The following ZBTB20 variants were observed in gnomAD, a reference collection of about 807,000 sequenced individuals.
ZBTB20 encodes the protein zinc finger and BTB domain-containing protein 20.
In ZBTB20, 9 loss-of-function variants were observed where a neutral mutation model predicts 56.9. That is an observed-to-expected ratio of 0.16 (90% CI 0.10 to 0.28). The LOEUF is 0.28. ZBTB20 is among the 10% of genes least tolerant of loss of function. The probability of loss-of-function intolerance (pLI) is 1.00; values close to 1 mark genes in which losing one functional copy is unlikely to be tolerated. For missense variants in ZBTB20, 655 were observed against 1,003.0 expected, an observed-to-expected ratio of 0.65 and a Z score of 4.69; for synonymous variants, 417 against 420.7, an observed-to-expected ratio of 0.99 and a Z score of 0.11.
intron 4 of ZBTB20, among the ~76,000 whole-genome samples, chr3:114,813,637 G>A (rs2072716122): frequency 6.6e-6 from 1 of 152,208 alleles, no homozygotes; most frequent in African/African-American, 2.4e-5. Context: ...TGTAGTCCCA[G>A]CTACTTGGGA....
chr3:114,581,883 T>C (rs2054663150), intron 6 of ZBTB20, among the ~76,000 whole-genome samples: 1 of 152,100 alleles, frequency 6.6e-6, no homozygotes, highest in African/African-American at 2.4e-5. Flanking sequence ...AAAATGCATA[T>C]TTCTTAAAGT....
intron 2 of ZBTB20, among the ~76,000 whole-genome samples, chr3:115,044,290 T>A (rs1396443894): frequency 6.6e-6 from 1 of 152,238 alleles, no homozygotes; most frequent in African/African-American, 2.4e-5. Flanking sequence ...GTTCACCCTC[T>A]TTTATTTTGC....
At chr3:114,698,926 T>C (rs1342394456) in intron 5 of ZBTB20, among the ~76,000 whole-genome samples, 2 of 152,020 alleles carry the variant, frequency 1.3e-5, no homozygotes, top group African/African-American at 4.8e-5. Flanking sequence ...AACTGAAAAA[T>C]GATGATGGGA....
chr3:115,116,576 T>G (rs1180283108), intron 1 of ZBTB20, among the ~76,000 whole-genome samples: 1 of 152,052 alleles, frequency 6.6e-6, no homozygotes, highest in Non-Finnish European at 1.5e-5. Context: ...TAATAAGAGA[T>G]AACATTTTTG....
chr3:115,096,305 C>A lies in ZBTB20; in HGVS notation c.-702-24891G>T, dbSNP rs1183221735. On this transcript the variant is annotated intron_variant, in intron 1 of 11. Coordinates refer to ENST00000675478, the MANE Select transcript of ZBTB20 (RefSeq NM_001348800.3). ...TCCCTGAAATAGTTACACAGCCATG[C>A]AAATGAAAATATTTAGAGGTTCTTT... Among the ~76,000 whole-genome samples, 3 of 152,176 alleles carry A rather than the reference C, an allele frequency of 2.0e-5. No individual in the cohort carries two copies. The East Asian group carries it at 5.8e-4, about 29-fold the overall frequency.
Position 114,351,591 on chromosome 3 carries a change from G to C in ZBTB20, c.487C>G (p.Leu163Val). 1 of 1,614,124 alleles carries C rather than the reference G, an allele frequency of 6.2e-7. No individual in the cohort carries two copies. The change falls in exon 11 of 12, where the codon CTA becomes GTA. Residue 163 changes from leucine (L) to valine (V), a missense_variant. Around this residue, in one of 10 missense-constraint regions of ZBTB20, gnomAD observed 167 missense variants for 281.9 expected, o/e 0.59. Transcript: ENST00000675478. The part of the protein sequence containing the change: ...KLIDFMYSGV[L>V]RVSQSEALQI... The stretch of plus-strand genomic sequence containing the variant: ...AGAGCTTCCGACTGCGAGACCCGTA[G>C]CACGCCGCTGTACATGAAGTCAATG...
chr3:114,673,880 C>T (rs2061492592), intron 6 of ZBTB20, among the ~76,000 whole-genome samples: 1 of 152,152 alleles, frequency 6.6e-6, no homozygotes, highest in South Asian at 2.1e-4. Context: ...TGACATTATT[C>T]TATGAAGTTC....
intron 3 of ZBTB20, among the ~76,000 whole-genome samples, chr3:114,956,627 A>G (rs1430858645): frequency 2.0e-5 from 3 of 152,208 alleles, no homozygotes; most frequent in Non-Finnish European, 2.9e-5. Context: ...GCAAGTACGC[A>G]TTTACAAACA....
At chr3:114,817,420 A>G (rs1245056838) in intron 4 of ZBTB20, among the ~76,000 whole-genome samples, 1 of 152,032 alleles carries the variant, frequency 6.6e-6, no homozygotes, top group Non-Finnish European at 1.5e-5. Context: ...CAGGAAGCTG[A>G]GGCAGGAGAA....
At chr3:114,429,635 A>C (rs1020658864) in intron 7 of ZBTB20, among the ~76,000 whole-genome samples, 1 of 152,210 alleles carries the variant, frequency 6.6e-6, no homozygotes, top group African/African-American at 2.4e-5. Context: ...GATCTAACAC[A>C]TTTGTAGTCA....
At chr3:114,435,563 T>C (rs1213810086) in intron 7 of ZBTB20, among the ~76,000 whole-genome samples, 1 of 152,190 alleles carries the variant, frequency 6.6e-6, no homozygotes, top group African/African-American at 2.4e-5. Flanking sequence ...GTGCTTTTCA[T>C]GGCATGAAAT....
intron 5 of ZBTB20, among the ~76,000 whole-genome samples, chr3:114,698,414 T>C (rs1484694464): frequency 1.3e-5 from 2 of 152,080 alleles, no homozygotes; most frequent in Non-Finnish European, 2.9e-5. Flanking sequence ...CTTTTACTTT[T>C]GTTTGGGTGG....
chr3:114,925,694 A>T (rs1012079636), intron 3 of ZBTB20, among the ~76,000 whole-genome samples: 2 of 151,744 alleles, frequency 1.3e-5, no homozygotes, highest in Admixed American at 6.6e-5. Context: ...ACCTGGCTAA[A>T]TTTTTGTATT....
At chr3:114,737,652 A>G (rs1297988897) in intron 5 of ZBTB20, among the ~76,000 whole-genome samples, 1 of 152,206 alleles carries the variant, frequency 6.6e-6, no homozygotes, top group Non-Finnish European at 1.5e-5. Flanking sequence ...TTGTTTCCAA[A>G]TGGAATTTAA....
At chr3:114,861,496 C>A (rs961251974) in intron 4 of ZBTB20, among the ~76,000 whole-genome samples, 1 of 152,090 alleles carries the variant, frequency 6.6e-6, no homozygotes, top group Admixed American at 6.6e-5. Context: ...GAAGGTATCA[C>A]CTACAATGAC....
At chr3:114,384,166 C>T (rs2084788419) in intron 8 of ZBTB20, among the ~76,000 whole-genome samples, 1 of 151,800 alleles carries the variant, frequency 6.6e-6, no homozygotes, top group Non-Finnish European at 1.5e-5. Context: ...CTCTCTCTCT[C>T]TCTCCAACCC....
At chr3:114,498,526 G>A (rs2043555206) in intron 7 of ZBTB20, among the ~76,000 whole-genome samples, 1 of 152,138 alleles carries the variant, frequency 6.6e-6, no homozygotes, top group South Asian at 2.1e-4. Flanking sequence ...GTGTCTATGG[G>A]ATACTTGAGG....
At position 114,624,358 on chromosome 3, in the gene ZBTB20, CA is replaced by C. The variant is rs368690191; in HGVS notation, c.-295+69169del. Among the ~76,000 whole-genome samples the C allele has an allele frequency of 2.7e-3, 328 of 123,004 alleles. 1 individual carries two copies. Among genetic ancestry groups the C allele is most frequent in the South Asian group, 3.8e-3 (15 of 3,906 alleles). 80.7% of individuals were successfully genotyped at this position (123,004 alleles called of 152,430 possible). On this transcript the variant is annotated intron_variant, in intron 6 of 11. Transcript: ENST00000675478. ...TATAAATAAACAACAGTAAGAGAAA[CA>C]AAAAAAAAAAAAACCCATCCCGTCC...
At chr3:115,046,712 C>T (rs1424072262) in intron 2 of ZBTB20, among the ~76,000 whole-genome samples, 4 of 152,084 alleles carry the variant, frequency 2.6e-5, no homozygotes, top group South Asian at 2.1e-4. Context: ...CTTTAAAAAA[C>T]AACATTTCCA....
Sources: gnomAD v4.1 joint callset for allele counts (sites outside exome capture counted in the v4.1 genomes callset) on GRCh38, gnomAD v4.1.1 for gene constraint, gnomAD v4.1.1 regional missense constraint, MANE v1.5 for transcripts, NCBI Gene and HGNC (gene_info 2026-07-23, HGNC 2026-07-21) for gene names.